The following MED4 variants were observed in gnomAD, a reference collection of about 807,000 sequenced individuals.
MED4 encodes mediator complex subunit 4.
In MED4, 21 loss-of-function variants were observed where a neutral mutation model predicts 35.0. The ratio of observed to expected loss-of-function variants is 0.60; its 90% confidence interval spans 0.43 to 0.86. The LOEUF (loss-of-function observed/expected upper bound fraction) is 0.86. Among genes scored for constraint, MED4 ranks in the 40% least tolerant of loss-of-function variants. The pLI is 0.00. For missense variants in MED4, 300 were observed against 319.4 expected, an observed-to-expected ratio of 0.94 and a Z score of 0.46; for synonymous variants, 138 against 114.0, an observed-to-expected ratio of 1.21 and a Z score of -1.34.
intron 2 of MED4, among the ~76,000 whole-genome samples, chr13:48,089,331 G>A (rs1420920425): frequency 1.3e-5 from 2 of 152,156 alleles, no homozygotes; most frequent in Non-Finnish European, 2.9e-5. Flanking sequence ...CCCTCAAAAC[G>A]TAAGACAGAA....
chr13:48,093,759 G>T (rs1950906273), intron 1 of MED4: 2 of 226,890 alleles, frequency 8.8e-6, no homozygotes, highest in Non-Finnish European at 1.9e-5. Context: ...GGTGTTTTCG[G>T]GTTTTCTTCC....
rs1330719671 is a variant in MED4 at position 48,077,133 on chromosome 13, G to A, written c.*6C>T. 6.3e-7 allele frequency: 1 copy of A among 1,593,256 alleles called. No homozygotes were observed. The highest frequency in any genetic ancestry group is 1.8e-5 in the Admixed American group (1 of 55,344). Reference sequence around the variant, plus strand: ...TTCAATTCTGTATATTGTCTTTTAAGGTTTTTCAATCAGACTCACTACTAC... The same window carrying A: ...TTCAATTCTGTATATTGTCTTTTAAAGTTTTTCAATCAGACTCACTACTAC... On this transcript the variant is annotated 3_prime_UTR_variant, in exon 7 of 7. Coordinates refer to ENST00000258648, the MANE Select transcript of MED4 (RefSeq NM_014166.4).
chr13:48,081,148 T>C (rs1442333664), intron 5 of MED4, among the ~76,000 whole-genome samples: 1 of 152,248 alleles, frequency 6.6e-6, no homozygotes, highest in African/African-American at 2.4e-5. Flanking sequence ...TTTCATCCAC[T>C]GTCAATATAG....
chr13:48,091,553 A>G (rs1008343452), intron 1 of MED4, among the ~76,000 whole-genome samples: 1 of 152,140 alleles, frequency 6.6e-6, no homozygotes, highest in African/African-American at 2.4e-5. Context: ...TCCCACTACT[A>G]CTTCCCCATA....
chr13:48,077,846 T>G (rs893044626), intron 6 of MED4, among the ~76,000 whole-genome samples: 2 of 152,236 alleles, frequency 1.3e-5, no homozygotes, highest in African/African-American at 2.4e-5. Flanking sequence ...TTTAGTCAGT[T>G]GACATAATTT....
intron 6 of MED4, among the ~76,000 whole-genome samples, chr13:48,078,904 TA>T (rs1950782515): frequency 6.6e-6 from 1 of 152,094 alleles, no homozygotes; most frequent in Non-Finnish European, 1.5e-5. Flanking sequence ...AAAAAATGTA[TA>T]GGGGAAAAAA....
rs373973995 is a variant in MED4, at chr13:48,083,313, G to T, written c.421+58C>A. 167 of 1,368,882 alleles carry T rather than the reference G, an allele frequency of 1.2e-4. No homozygotes were observed. In the African/African-American group the frequency reaches 2.2e-3, roughly 18 times the overall value. The allele number at this position is 1,368,882 out of a possible 1,614,324, so 84.8% of individuals were successfully genotyped here. A position where few individuals can be genotyped will look rare whatever the true frequency, so the allele number is the denominator to read the frequency against. On this transcript the variant is annotated intron_variant, in intron 4 of 6. Transcript: ENST00000258648. ...TTATCAGTAATATCCTCTTGTATTG[G>T]TTTCCTGAAACCAGAACCTTAACTT...
chr13:48,093,417 G>T, intron 1 of MED4: 1 of 239,156 alleles, frequency 4.2e-6, no homozygotes, highest in South Asian at 4.6e-5. Flanking sequence ...TATTTTTAAA[G>T]AGGCTAAATC....
chr13:48,077,524 G>C (rs2137825708), intron 6 of MED4: 1 of 342,838 alleles, frequency 2.9e-6, no homozygotes, highest in South Asian at 6.9e-5. Context: ...CAATCCTCCT[G>C]CCTCAGCCTC....
intron 1 of MED4, among the ~76,000 whole-genome samples, chr13:48,094,430 T>G (rs1950911514): frequency 6.6e-6 from 1 of 152,208 alleles, no homozygotes; most frequent in Admixed American, 6.5e-5. Flanking sequence ...CCAGGCTTTT[T>G]GCACTTGCTG....
Position 48,077,044 on chromosome 13 carries a change from G to A in MED4, c.*95C>T, listed in dbSNP as rs181949272. The A allele has an allele frequency of 8.1e-5, 88 of 1,091,602 alleles. No homozygotes were observed. The highest frequency in any genetic ancestry group is 6.4e-4 in the Middle Eastern group (2 of 3,144). 67.6% of individuals were successfully genotyped at this position (1,091,602 alleles called of 1,614,324 possible). On this transcript the variant is annotated 3_prime_UTR_variant, in exon 7 of 7. Transcript: ENST00000258648. ...TCTACCAAAGCCAGTGTTTACCTGGGTATTTTTTGTCACCTGTAGTTTACA... is the reference window on the plus strand; with the variant it reads ...TCTACCAAAGCCAGTGTTTACCTGGATATTTTTTGTCACCTGTAGTTTACA...
In MED4 at chr13:48,081,688, G is replaced by A. The variant is rs184726593; in HGVS notation, c.465C>T (p.Ile155=). ...SEEIIKYAHR[I]SASNAVCAPL... ...GAGCACATACAGCATTACTTGCACT[G>A]ATCCTATGTGCATACTTAATTATTT... Residue 155 remains isoleucine, a synonymous_variant, in exon 5 of 7, where the codon ATC becomes ATT. Transcript: ENST00000258648. The A allele has an allele frequency of 2.7e-4, 439 of 1,612,188 alleles. 3 individuals are homozygous for A. The East Asian group carries it at 6.8e-3, about 25-fold the overall frequency.
chr13:48,078,192 A>T (rs1292897941), intron 6 of MED4, among the ~76,000 whole-genome samples: 3 of 152,220 alleles, frequency 2.0e-5, no homozygotes, highest in African/African-American at 4.8e-5. Flanking sequence ...AAGAAGGCAG[A>T]TTTTTAAAGG....
At chr13:48,093,635 G>T in intron 1 of MED4, 1 of 465,564 alleles carries the variant, frequency 2.1e-6, no homozygotes, top group South Asian at 1.6e-5. Flanking sequence ...TGATCCGCCC[G>T]CCTTGGCCTC....
At chr13:48,083,649 A>T (rs1469007908) in intron 3 of MED4, among the ~76,000 whole-genome samples, 1 of 152,224 alleles carries the variant, frequency 6.6e-6, no homozygotes, top group Non-Finnish European at 1.5e-5. Flanking sequence ...TCCCATTCAC[A>T]AATTAGTTGT....
chr13:48,084,797 AAGTATTACATACAT>A (rs1950837430), intron 3 of MED4, among the ~76,000 whole-genome samples: 1 of 151,822 alleles, frequency 6.6e-6, no homozygotes, highest in African/African-American at 2.4e-5. Flanking sequence ...TTTGATAAGC[AAGTATTACATACAT>A]AAGGATTTTT....
intron 4 of MED4, among the ~76,000 whole-genome samples, chr13:48,082,671 CA>C (rs1313687998): frequency 6.6e-6 from 1 of 152,018 alleles, no homozygotes; most frequent in Admixed American, 6.6e-5. Flanking sequence ...ACTAAAAATA[CA>C]AAAAATTAGC....
chr13:48,089,125 CAG>C (rs1025619584), intron 2 of MED4, among the ~76,000 whole-genome samples: 21 of 152,202 alleles, frequency 1.4e-4, no homozygotes, highest in African/African-American at 4.8e-4. Flanking sequence ...CGGGTATTAA[CAG>C]AGTACCTGAG....
In MED4 at chr13:48,086,341, T is replaced by C; in HGVS notation, c.304A>G (p.Lys102Glu). The C allele has an allele frequency of 6.2e-7, 1 of 1,613,902 alleles. No individual in the cohort carries two copies. The highest frequency in any genetic ancestry group is 8.5e-7 in the Non-Finnish European group (1 of 1,179,916). ...EMQVLEKEVE[K>E]RDSDIQQLQK... ...AGCTGCTGAATATCACTGTCTCTCTTCTCTACTTCTTTTTCTAAAACTTGC... is the reference window on the plus strand; with the variant it reads ...AGCTGCTGAATATCACTGTCTCTCTCCTCTACTTCTTTTTCTAAAACTTGC... Residue 102 changes from lysine to glutamate, a missense_variant, in exon 3 of 7, where the codon AAG becomes GAG. Physicochemically the swap from Lys to Glu is moderately conservative, Grantham distance 56. Transcript: ENST00000258648.
Sources: gnomAD v4.1 joint callset for allele counts (sites outside exome capture counted in the v4.1 genomes callset) on GRCh38, gnomAD v4.1.1 for gene constraint, MANE v1.5 for transcripts, NCBI Gene and HGNC (gene_info 2026-07-23, HGNC 2026-07-21) for gene names.